The following ANKFN1 variants were observed in gnomAD, a reference collection of about 807,000 sequenced individuals.
ANKFN1 encodes the protein ankyrin repeat and fibronectin type III domain containing 1.
A neutral mutation model predicts 108.7 loss-of-function variants in ANKFN1; 74 were observed. That is an observed-to-expected ratio of 0.68 (90% CI 0.56 to 0.83). The LOEUF (loss-of-function observed/expected upper bound fraction) is 0.83, where lower values mean the gene tolerates loss of function less well. ANKFN1 is among the 40% of genes least tolerant of loss of function. ANKFN1 has a pLI of 0.00. For synonymous variants in ANKFN1, 547 were observed against 516.2 expected (o/e 1.06, Z -0.81); for missense variants, 1,505 against 1,382.3 (o/e 1.09, Z -1.41).
intron 5 of ANKFN1, among the ~76,000 whole-genome samples, chr17:56,352,173 A>G (rs2046265347): frequency 6.6e-6 from 1 of 152,224 alleles, no homozygotes; most frequent in Admixed American, 6.5e-5. Flanking sequence ...ACACTTTACC[A>G]TTCAGCAGAT....
Position 56,511,413 on chromosome 17 carries a change from T to C in ANKFN1, c.*144T>C. 3.1e-6 allele frequency: 3 copies of C among 982,904 alleles called. No individual in the cohort carries two copies. The highest frequency in any genetic ancestry group is 2.7e-5 in the East Asian group (1 of 37,448). The allele number at this position is 982,904 out of a possible 1,614,324, so 60.9% of individuals were successfully genotyped here. On this transcript the variant is annotated 3_prime_UTR_variant, in exon 21 of 21. Transcript: ENST00000682825. The stretch of plus-strand genomic sequence containing the variant: ...TACAAAGGTTACAAGTTCAAGGTCC[T>C]CTTTTTTTGGAACAGAGTGGTGGGT...
chr17:56,438,497 A>C (rs1184226865), intron 8 of ANKFN1, among the ~76,000 whole-genome samples: 4 of 152,206 alleles, frequency 2.6e-5, no homozygotes, highest in Non-Finnish European at 5.9e-5. Flanking sequence ...CTCTATGAAA[A>C]GATACTAGGT....
At chr17:56,097,547 A>G (rs1905557723) in intron 4 of ANKFN1, among the ~76,000 whole-genome samples, 1 of 152,234 alleles carries the variant, frequency 6.6e-6, no homozygotes, top group African/African-American at 2.4e-5. Flanking sequence ...TTATCTGCAC[A>G]TCTTCAAAAA....
chr17:56,376,208 G>A (rs570547404), intron 8 of ANKFN1, among the ~76,000 whole-genome samples: 1 of 152,244 alleles, frequency 6.6e-6, no homozygotes, highest in South Asian at 2.1e-4. Flanking sequence ...AACTTCATAT[G>A]TCTCTGCAAA....
chr17:56,177,694 T>C (rs1281457171), intron 1 of ANKFN1, among the ~76,000 whole-genome samples: 2 of 152,234 alleles, frequency 1.3e-5, no homozygotes, highest in Admixed American at 1.3e-4. Flanking sequence ...GTACGTGATG[T>C]CTGCAACAGC....
chr17:56,129,035 G>T (rs536104958), intron 4 of ANKFN1, among the ~76,000 whole-genome samples: 3 of 151,460 alleles, frequency 2.0e-5, no homozygotes, highest in African/African-American at 7.3e-5. Flanking sequence ...AGAAGATGAG[G>T]AGAAAAAAGG....
chr17:56,284,933 A>G lies in ANKFN1; in HGVS notation c.54-41288A>G, dbSNP rs553200901. 5.9e-5 allele frequency among the ~76,000 whole-genome samples: 9 copies of G among 152,342 alleles called. No individual in the cohort carries two copies. The South Asian group carries it at 1.7e-3, about 28-fold the overall frequency. On this transcript the variant is annotated intron_variant, in intron 3 of 20. Transcript: ENST00000682825. The stretch of plus-strand genomic sequence containing the variant: ...ACTCCCCAGAGGAGAAACAATTGCC[A>G]TAAGTGTCAGAAACATGTCAGAAAG...
At chr17:56,459,061 A>G (rs2049811070) in intron 14 of ANKFN1, among the ~76,000 whole-genome samples, 1 of 152,156 alleles carries the variant, frequency 6.6e-6, no homozygotes, top group Admixed American at 6.5e-5. Flanking sequence ...TTGTATGCTC[A>G]GTGAGATTTT....
At chr17:56,139,705 G>C (rs1163743460) in intron 4 of ANKFN1, among the ~76,000 whole-genome samples, 1 of 152,140 alleles carries the variant, frequency 6.6e-6, no homozygotes, top group Non-Finnish European at 1.5e-5. Flanking sequence ...CTGCTCAGAA[G>C]TCACTGTCTT....
chr17:56,131,949 A>C (rs966689755), intron 4 of ANKFN1, among the ~76,000 whole-genome samples: 1 of 152,222 alleles, frequency 6.6e-6, no homozygotes, highest in Non-Finnish European at 1.5e-5. Flanking sequence ...TGAAATCTAC[A>C]AATGTGTACT....
intron 4 of ANKFN1, among the ~76,000 whole-genome samples, chr17:56,065,390 T>A (rs1164187910): frequency 3.3e-5 from 5 of 152,200 alleles, no homozygotes; most frequent in African/African-American, 1.2e-4. Context: ...CATGTGCTCA[T>A]AGGAGTAACA....
At chr17:56,452,001 G>T (rs572340441) in intron 11 of ANKFN1, among the ~76,000 whole-genome samples, 48 of 152,176 alleles carry the variant, frequency 3.2e-4, no homozygotes, top group African/African-American at 1.1e-3. Flanking sequence ...TGCATGCTTA[G>T]TATTGGGATG....
intron 3 of ANKFN1, among the ~76,000 whole-genome samples, chr17:56,233,461 C>T (rs78793348): frequency 6.6e-6 from 1 of 152,014 alleles, no homozygotes; most frequent in South Asian, 2.1e-4. Context: ...TTCTAAAGAT[C>T]TTCTTAACCC....
chr17:56,307,420 T>C (rs1293523922), intron 3 of ANKFN1, among the ~76,000 whole-genome samples: 6 of 152,298 alleles, frequency 3.9e-5, no homozygotes, highest in South Asian at 4.1e-4. Context: ...GGGCGAAGGA[T>C]GTGAACAGAC....
At chr17:56,487,047 G>A (rs2050878106) in intron 18 of ANKFN1, among the ~76,000 whole-genome samples, 1 of 152,164 alleles carries the variant, frequency 6.6e-6, no homozygotes, top group African/African-American at 2.4e-5. Flanking sequence ...TCTGTCTCCT[G>A]GAATAAGGTC....
intron 3 of ANKFN1, among the ~76,000 whole-genome samples, chr17:56,315,592 C>T (rs1365580756): frequency 6.6e-6 from 1 of 152,156 alleles, no homozygotes; most frequent in East Asian, 1.9e-4. Context: ...CATTCAACGC[C>T]TTTGCTGTGC....
At chr17:56,363,767 C>G (rs999219180) in intron 6 of ANKFN1, among the ~76,000 whole-genome samples, 11 of 152,112 alleles carry the variant, frequency 7.2e-5, no homozygotes, top group African/African-American at 2.7e-4. Context: ...AAGGAAATGT[C>G]ATTTGTGACA....
chr17:56,311,149 A>ACT lies in ANKFN1; in HGVS notation c.54-15062_54-15061dup, dbSNP rs1386854407. On this transcript the variant is annotated intron_variant, in intron 3 of 20. Coordinates refer to ENST00000682825, the MANE Select transcript of ANKFN1 (RefSeq NM_001370326.1). Reference sequence around the variant, plus strand: ...TAATATTTCTCTCTCTCTCTCGCTCACTCTCTCTCTCGTGTGTTTGTGTGT... The same window carrying ACT: ...TAATATTTCTCTCTCTCTCTCGCTCACTCTCTCTCTCTCGTGTGTTTGTGTGT... Among the ~76,000 whole-genome samples, 13 of 142,754 alleles carry ACT rather than the reference A, an allele frequency of 9.1e-5. No individual in the cohort carries two copies. The South Asian group carries it at 2.3e-3, about 25-fold the overall frequency. The allele number at this position is 142,754 out of a possible 152,430, so 93.7% of individuals were successfully genotyped here.
intron 4 of ANKFN1, among the ~76,000 whole-genome samples, chr17:56,136,907 C>G (rs1333360378): frequency 6.6e-6 from 1 of 152,206 alleles, no homozygotes; most frequent in Admixed American, 6.5e-5. Flanking sequence ...GGCTAAGTCA[C>G]AAAAGATGGG....
Sources: allele counts gnomAD v4.1 joint callset (sites outside exome capture counted in the v4.1 genomes callset), GRCh38; gene constraint gnomAD v4.1.1; transcripts MANE v1.5; gene names NCBI Gene and HGNC (gene_info 2026-07-23, HGNC 2026-07-21).